The following VAT1L variants were observed in gnomAD, a reference collection of about 807,000 sequenced individuals.
VAT1L encodes the protein vesicle amine transport 1 like, also known as putative NADPH-dependent quinone oxidoreductase VAT1L.
Under a neutral mutation model 44.1 loss-of-function variants are expected in VAT1L, and 34 were observed. That is an observed-to-expected ratio of 0.77 (90% CI 0.59 to 1.03). The LOEUF is 1.03. Ranked by LOEUF, VAT1L falls within the 50% of genes least tolerant of loss-of-function variation. The pLI is 0.00. For missense variants in VAT1L, 615 were observed against 538.8 expected, an observed-to-expected ratio of 1.14 and a Z score of -1.40; for synonymous variants, 253 against 202.2, an observed-to-expected ratio of 1.25 and a Z score of -2.13.
At chr16:77,844,470 G>A (rs535293174) in intron 3 of VAT1L, among the ~76,000 whole-genome samples, 18 of 152,032 alleles carry the variant, frequency 1.2e-4, no homozygotes, top group Admixed American at 3.3e-4. Flanking sequence ...GTGCAGTGGC[G>A]CTATCTCAGC....
chr16:77,911,816 G>A (rs1365208148), intron 7 of VAT1L, among the ~76,000 whole-genome samples: 1 of 152,200 alleles, frequency 6.6e-6, no homozygotes, highest in East Asian at 1.9e-4. Context: ...CCCCACCTCT[G>A]GCATAGAACT....
At chr16:77,810,384 G>T (rs78596830) in intron 1 of VAT1L, among the ~76,000 whole-genome samples, 2,353 of 152,268 alleles carry the variant, frequency 0.015, 70 homozygotes, top group African/African-American at 0.054. Context: ...CCTCCTGGAA[G>T]TTCTGATGAA....
chr16:77,900,981 C>T (rs992597625), intron 7 of VAT1L, among the ~76,000 whole-genome samples: 7 of 151,990 alleles, frequency 4.6e-5, no homozygotes, highest in Non-Finnish European at 7.4e-5. Flanking sequence ...GGGTCAGCAT[C>T]ATTGACAGAG....
Position 77,884,566 on chromosome 16 carries a change from C to A in VAT1L, c.883-42C>A. ...AATGCTGCCAATGTAGGCTTAACCC[C>A]GGTATTGAGTTCCTATAACCCAATA... is the stretch of plus-strand genomic sequence containing the variant. On this transcript the variant is annotated intron_variant, in intron 6 of 8. Transcript: ENST00000302536. The surrounding 1 kb of genome is among the most constrained non-coding windows in gnomAD (Gnocchi z 4.5). 1 of 1,584,098 alleles carries A rather than the reference C, an allele frequency of 6.3e-7. No individual in the cohort carries two copies. The highest frequency in any genetic ancestry group is 8.6e-7 in the Non-Finnish European group (1 of 1,163,256).
Position 77,884,092 on chromosome 16 carries a change from A to C in VAT1L, c.883-516A>C, listed in dbSNP as rs2017183017. Among the ~76,000 whole-genome samples the C allele has an allele frequency of 6.6e-6, 1 of 152,192 alleles. No homozygotes were observed. The highest frequency in any genetic ancestry group is 6.5e-5 in the Admixed American group (1 of 15,278). ...TAGTTTTGGGCTCTCTCTCCCACTTAGACCTGAGCGTCTCATAAGCATCAA... is the reference window on the plus strand; with the variant it reads ...TAGTTTTGGGCTCTCTCTCCCACTTCGACCTGAGCGTCTCATAAGCATCAA... On this transcript the variant is annotated intron_variant, in intron 6 of 8. Coordinates refer to ENST00000302536, the MANE Select transcript of VAT1L (RefSeq NM_020927.3). This position sits in a 1 kb window ranked among gnomAD's most constrained non-coding sequence, Gnocchi z 4.5.
intron 4 of VAT1L, among the ~76,000 whole-genome samples, chr16:77,869,530 G>A (rs1258754583): frequency 1.3e-5 from 2 of 152,162 alleles, no homozygotes; most frequent in African/African-American, 4.8e-5. Flanking sequence ...TTCGCTGGGT[G>A]TAGTGGTGTA....
In VAT1L at chr16:77,977,598, T is replaced by C. The variant is rs773566501; in HGVS notation, c.1163T>C (p.Met388Thr). Residue 388 changes from methionine (M) to threonine (T), a missense_variant and splice_region_variant, in exon 9 of 9, where the codon ATG becomes ACG. Met to Thr is a moderately conservative substitution (Grantham distance 81). Transcript: ENST00000302536. ...ATAACATCCTCTTTTGAATTACAGA[T>C]GGCCAATGACAGCACAGAGACCAGT... The part of the protein sequence containing the change: ...LDVEKTPTPL[M>T]ANDSTETSEA... 3.1e-6 allele frequency: 5 copies of C among 1,613,822 alleles called. No individual in the cohort carries two copies. In the African/African-American group the frequency reaches 6.7e-5, roughly 22 times the overall value.
chr16:77,821,059 A>T (rs1788094244), intron 2 of VAT1L, among the ~76,000 whole-genome samples: 2 of 152,112 alleles, frequency 1.3e-5, no homozygotes, highest in African/African-American at 4.8e-5. Flanking sequence ...TTTCCCACCC[A>T]TGGAGAAGTT....
chr16:77,969,141 A>T (rs549755925), intron 7 of VAT1L, among the ~76,000 whole-genome samples: 1 of 152,196 alleles, frequency 6.6e-6, no homozygotes, highest in Non-Finnish European at 1.5e-5. Flanking sequence ...CTTTAAAGCA[A>T]AATTAGGAAT....
chr16:77,824,862 CTTTTTTT>C (rs756573336), intron 2 of VAT1L, among the ~76,000 whole-genome samples: 1 of 75,458 alleles, frequency 1.3e-5, no homozygotes, highest in African/African-American at 5.3e-5. Context: ...CCCAATAATG[CTTTTTTT>C]TTTTTTTTTT....
chr16:77,839,538 A>T, intron 3 of VAT1L, among the ~76,000 whole-genome samples: 1 of 49,074 alleles, frequency 2.0e-5, no homozygotes, highest in South Asian at 5.9e-4. Context: ...TCCATATCAA[A>T]AAAAAAAAAA....
At chr16:77,810,409 A>G (rs1233737322) in intron 1 of VAT1L, among the ~76,000 whole-genome samples, 1 of 152,182 alleles carries the variant, frequency 6.6e-6, no homozygotes, top group Admixed American at 6.5e-5. Context: ...AAAGTTTGAG[A>G]ACCATTCACA....
At chr16:77,916,209 T>C (rs2017550392) in intron 7 of VAT1L, among the ~76,000 whole-genome samples, 1 of 152,072 alleles carries the variant, frequency 6.6e-6, no homozygotes, top group Non-Finnish European at 1.5e-5. Context: ...GGAAGTCAGT[T>C]TGGGTTTCGT....
At chr16:77,799,504 GGTGTGTGTGT>G (rs10525414) in intron 1 of VAT1L, among the ~76,000 whole-genome samples, 3,739 of 140,930 alleles carry the variant, frequency 0.027, 64 homozygotes, top group Admixed American at 0.04. Flanking sequence ...TGGAATACAT[GGTGTGTGTGT>G]GTGTGTGTGT....
chr16:77,870,102 G>GAATCACTTACC (rs2017015190), intron 4 of VAT1L, among the ~76,000 whole-genome samples: 2 of 152,212 alleles, frequency 1.3e-5, no homozygotes, highest in Non-Finnish European at 2.9e-5. Flanking sequence ...CACTTACCAA[G>GAATCACTTACC]AAGCCTACCA....
intron 7 of VAT1L, among the ~76,000 whole-genome samples, chr16:77,932,986 G>A (rs2017750009): frequency 6.6e-6 from 1 of 152,158 alleles, no homozygotes; most frequent in Non-Finnish European, 1.5e-5. Flanking sequence ...ACATTTCATT[G>A]GCTAGAACTG....
rs374388770 is a variant in VAT1L, at chr16:77,806,860, C to G, written c.234-10061C>G. Among the ~76,000 whole-genome samples the G allele has an allele frequency of 5.9e-5, 9 of 152,182 alleles. 1 individual carries two copies. Among genetic ancestry groups the G allele is most frequent in the African/African-American group, 2.2e-4 (9 of 41,526 alleles). Reference sequence around the variant, plus strand: ...GTCCTTGGTGGCTCCAGGGAGAAATCAAGACATGGCCACTCTGTGCTGTCT... The same window carrying G: ...GTCCTTGGTGGCTCCAGGGAGAAATGAAGACATGGCCACTCTGTGCTGTCT... On this transcript the variant is annotated intron_variant, in intron 1 of 8. Transcript: ENST00000302536.
At chr16:77,973,060 C>T (rs1396964614) in intron 8 of VAT1L, among the ~76,000 whole-genome samples, 4 of 151,944 alleles carry the variant, frequency 2.6e-5, no homozygotes, top group Non-Finnish European at 5.9e-5. Context: ...GCATGTCAAA[C>T]TCACATCCCA....
intron 4 of VAT1L, among the ~76,000 whole-genome samples, chr16:77,871,944 C>A (rs1270382341): frequency 6.6e-6 from 1 of 152,078 alleles, no homozygotes; most frequent in Non-Finnish European, 1.5e-5. Context: ...AACCAAAAGA[C>A]TTGAAGGTGG....
Sources: gnomAD v4.1 joint callset for allele counts (sites outside exome capture counted in the v4.1 genomes callset) on GRCh38, gnomAD v4.1.1 for gene constraint, Gnocchi (gnomAD v3.1) non-coding constraint, MANE v1.5 for transcripts, NCBI Gene and HGNC (gene_info 2026-07-23, HGNC 2026-07-21) for gene names.